BTD: variants seen among roughly 807,000 people sequenced by gnomAD.
The protein encoded by BTD is biocytinase.
Under a neutral mutation model 17.7 loss-of-function variants are expected in BTD, and 13 were observed. The ratio of observed to expected loss-of-function variants is 0.74; its 90% CI spans 0.48 to 1.17. The LOEUF is 1.17. Among genes scored for constraint, BTD ranks in the 50% most tolerant of loss-of-function variants. The probability of loss-of-function intolerance (pLI) is 0.00; values close to 1 mark genes in which losing one functional copy is unlikely to be tolerated. For synonymous variants in BTD, 240 were observed against 245.2 expected (o/e 0.98, Z 0.20); for missense variants, 674 against 650.4 (o/e 1.04, Z -0.39).
chr3:15,714,626 T>G, downstream of BTD: 1 of 1,600,980 alleles, frequency 6.2e-7, no homozygotes, highest in Non-Finnish European at 8.5e-7. Context: ...TGGAGAGCAG[T>G]CATGTGTAGT....
rs2065337530 is a variant in BTD, at chr3:15,635,995, C to G, written c.249+307C>G. On this transcript the variant is annotated intron_variant, in intron 2 of 3. Coordinates refer to ENST00000643237, the MANE Select transcript of BTD (RefSeq NM_001370658.1). The surrounding 1 kb of genome is among the most constrained non-coding windows in gnomAD (Gnocchi z 4.1). ...CTTTCACATGGCAAGTATGAGAAGCCCAGGACTAGATCCCCAGTTCTCAAG... is the reference window on the plus strand; with the variant it reads ...CTTTCACATGGCAAGTATGAGAAGCGCAGGACTAGATCCCCAGTTCTCAAG... 6.6e-6 allele frequency among the ~76,000 whole-genome samples: 1 copy of G among 152,070 alleles called. No individual in the cohort carries two copies. Among genetic ancestry groups the G allele is most frequent in the Admixed American group, 6.6e-5 (1 of 15,264 alleles).
At chr3:15,643,355 G>T (rs936930695) in intron 3 of BTD, among the ~76,000 whole-genome samples, 1 of 152,166 alleles carries the variant, frequency 6.6e-6, no homozygotes, top group Admixed American at 6.5e-5. Context: ...ACAAAAATTA[G>T]CTGGGTGTGG....
intron 3 of BTD, among the ~76,000 whole-genome samples, chr3:15,682,991 G>A (rs1402990501): frequency 1.8e-4 from 27 of 152,140 alleles, no homozygotes; most frequent in Admixed American, 1.7e-3. Context: ...TGCACAAAAC[G>A]TGCTTAGAGT....
intron 3 of BTD, among the ~76,000 whole-genome samples, chr3:15,693,773 G>A (rs1303699133): frequency 6.6e-6 from 1 of 152,166 alleles, no homozygotes; most frequent in Non-Finnish European, 1.5e-5. Context: ...GAAGTAGAAA[G>A]CTTCAAGAAT....
At chr3:15,682,440 A>G (rs1471830411) in intron 3 of BTD, among the ~76,000 whole-genome samples, 4 of 152,178 alleles carry the variant, frequency 2.6e-5, no homozygotes, top group Non-Finnish European at 4.4e-5. Flanking sequence ...ATAACTTTCT[A>G]TCATCATTTA....
intron 1 of BTD, chr3:15,602,454 T>G: frequency 7.7e-6 from 3 of 388,028 alleles, no homozygotes; most frequent in Non-Finnish European, 1.1e-5. Context: ...CCGATAGCCT[T>G]TTAAAACATT....
intron 3 of BTD, chr3:15,686,167 TCTG>T: frequency 6.3e-7 from 1 of 1,598,446 alleles, no homozygotes; most frequent in Non-Finnish European, 8.5e-7. Context: ...AAGACTGTAC[TCTG>T]GTTTTCGAAA....
At chr3:15,602,132 T>G (rs1353032435) in intron 1 of BTD, 2 of 1,426,126 alleles carry the variant, frequency 1.4e-6, no homozygotes, top group Non-Finnish European at 1.8e-6. Context: ...CTTGTGGTTT[T>G]ATAGTCCTTA....
At chr3:15,716,709 T>A (rs2073107034), downstream of BTD, among the ~76,000 whole-genome samples, 1 of 152,188 alleles carries the variant, frequency 6.6e-6, no homozygotes. Context: ...TAAAAACTTG[T>A]AATAATAATT....
At chr3:15,661,823 C>T (rs2125541865) in intron 3 of BTD, among the ~76,000 whole-genome samples, 1 of 152,292 alleles carries the variant, frequency 6.6e-6, no homozygotes, top group East Asian at 1.9e-4. Context: ...AGATCTGTGT[C>T]TAGATTCACT....
At chr3:15,693,653 T>C (rs956856356) in intron 3 of BTD, among the ~76,000 whole-genome samples, 1 of 152,168 alleles carries the variant, frequency 6.6e-6, no homozygotes, top group Non-Finnish European at 1.5e-5. Flanking sequence ...TCATTTCTTT[T>C]CATCAATAGT....
chr3:15,691,000 C>A (rs2068717829), intron 3 of BTD, among the ~76,000 whole-genome samples: 1 of 152,130 alleles, frequency 6.6e-6, no homozygotes, highest in Non-Finnish European at 1.5e-5. Flanking sequence ...TGTGCCATAG[C>A]TAAAAAAGAA....
chr3:15,603,070 C>T (rs1459640166), intron 1 of BTD, among the ~76,000 whole-genome samples: 1 of 152,108 alleles, frequency 6.6e-6, no homozygotes, highest in African/African-American at 2.4e-5. Context: ...ATCATTAGAA[C>T]AGCATGGGAA....
chr3:15,721,168 GC>G, intron 4 of BTD: 1 of 1,553,740 alleles, frequency 6.4e-7, no homozygotes, highest in Non-Finnish European at 8.8e-7. Flanking sequence ...AAGTAGTTTT[GC>G]TAATTATCAA....
chr3:15,715,582 G>A (rs2072908213), downstream of BTD, among the ~76,000 whole-genome samples: 1 of 152,140 alleles, frequency 6.6e-6, no homozygotes. Flanking sequence ...AGAAAGGAAG[G>A]GGAGGAGGAG....
rs539720357 is a variant in BTD at position 15,613,641 on chromosome 3, C to T, written c.-17+11747C>T. On this transcript the variant is annotated intron_variant, in intron 1 of 3. Coordinates refer to ENST00000643237, the MANE Select transcript of BTD (RefSeq NM_001370658.1). ...TTAATATAAGCAGTTTTTTTTCACT[C>T]GTGGCAGAATGTTTTGTCACAGTTT... Among the ~76,000 whole-genome samples the T allele has an allele frequency of 3.3e-5, 5 of 151,786 alleles. No homozygotes were observed. In the South Asian group the frequency reaches 6.2e-4, roughly 19 times the overall value.
chr3:15,711,154 A>G, exon 4 of BTD: 1 of 1,405,122 alleles, frequency 7.1e-7, no homozygotes, highest in Non-Finnish European at 9.9e-7. Flanking sequence ...AAGATAAGAG[A>G]AAACCTGCCA....
At chr3:15,613,430 C>A (rs907377335) in intron 1 of BTD, among the ~76,000 whole-genome samples, 2 of 151,980 alleles carry the variant, frequency 1.3e-5, no homozygotes, top group African/African-American at 2.4e-5. Flanking sequence ...TTTTCTTCTG[C>A]TTCTTTCCTG....
chr3:15,641,983 T>C lies in BTD; in HGVS notation c.325T>C (p.Leu109=). ...TACAAGAACATCCATTTATCCATTT[T>C]TGGACTTCATGCCGTCTCCCCAGGT... The part of the protein sequence containing the change: ...NFTRTSIYPF[L]DFMPSPQVVR... The change falls in exon 3 of 4, where the codon TTG becomes CTG. Residue 109 remains leucine (L), a synonymous_variant. Coordinates refer to ENST00000643237, the MANE Select transcript of BTD (RefSeq NM_001370658.1). 6.2e-7 allele frequency: 1 copy of C among 1,614,200 alleles called. No homozygotes were observed. The highest frequency in any genetic ancestry group is 8.5e-7 in the Non-Finnish European group (1 of 1,180,018).
Sources: allele counts gnomAD v4.1 joint callset (sites outside exome capture counted in the v4.1 genomes callset), GRCh38; gene constraint gnomAD v4.1.1; non-coding constraint Gnocchi (gnomAD v3.1); transcripts MANE v1.5; gene names NCBI Gene and HGNC (gene_info 2026-07-23, HGNC 2026-07-21).